DACH2: variants seen among roughly 807,000 people sequenced by gnomAD.
DACH2 encodes dachshund homolog 2.
Under a neutral mutation model 35.8 loss-of-function variants are expected in DACH2, and 17 were observed. The ratio of observed to expected loss-of-function variants is 0.48; its 90% CI spans 0.33 to 0.71. DACH2 has a LOEUF of 0.71. Ranked by LOEUF, DACH2 falls within the 30% of genes least tolerant of loss-of-function variation. The probability of loss-of-function intolerance (pLI) is 0.02; values close to 1 mark genes in which losing one functional copy is unlikely to be tolerated. For synonymous variants in DACH2, 195 were observed against 177.3 expected, an observed-to-expected ratio of 1.10 and a Z score of -0.79; for missense variants, 469 against 472.7, an observed-to-expected ratio of 0.99 and a Z score of 0.07.
chrX:86,205,490 CTCCT>C (rs1199616660), intron 1 of DACH2, among the ~76,000 whole-genome samples: 899 of 23,282 alleles, frequency 0.039, 31 homozygotes, highest in East Asian at 0.087. Flanking sequence ...CCCTCCTTCC[CTCCT>C]TCCTTCCTTC....
At chrX:86,275,574 T>A (rs756290337) in intron 1 of DACH2, among the ~76,000 whole-genome samples, 33 of 111,643 alleles carry the variant, frequency 3.0e-4, no homozygotes, top group Non-Finnish European at 9.4e-5. Flanking sequence ...CTCTTTAAGT[T>A]ATTTAAATAA....
intron 1 of DACH2, among the ~76,000 whole-genome samples, chrX:86,323,685 A>C (rs1013659753): frequency 8.9e-6 from 1 of 111,841 alleles, no homozygotes; most frequent in Admixed American, 9.5e-5. Context: ...ACCAGGGTGT[A>C]GCTCTGGTCA....
At chrX:86,299,509 T>C (rs1053343959) in intron 1 of DACH2, among the ~76,000 whole-genome samples, 1 of 111,953 alleles carries the variant, frequency 8.9e-6, no homozygotes, top group Non-Finnish European at 1.9e-5. Context: ...TCTTTTTGCA[T>C]CTCATAAAGA....
At position 86,338,757 on chromosome X, in the gene DACH2, C is replaced by A. The variant is rs750218821; in HGVS notation, c.489-38067C>A. 1.2e-4 allele frequency among the ~76,000 whole-genome samples: 13 copies of A among 111,330 alleles called. No homozygotes were observed. The South Asian group carries it at 4.5e-3, about 38-fold the overall frequency. ...GGAGATAGAGACATGAAAAACCCTT[C>A]AAAAAATCAATGAATCCAGGAGCTG... On this transcript the variant is annotated intron_variant, in intron 1 of 11. Transcript: ENST00000373125.
At chrX:86,404,991 T>A (rs1271146798) in intron 2 of DACH2, among the ~76,000 whole-genome samples, 1 of 112,334 alleles carries the variant, frequency 8.9e-6, no homozygotes, top group Admixed American at 9.4e-5. Flanking sequence ...AGCTCTACGT[T>A]GTCCCCTTTT....
At chrX:86,523,662 G>A (rs1361029380) in intron 3 of DACH2, among the ~76,000 whole-genome samples, 4 of 110,240 alleles carry the variant, frequency 3.6e-5, no homozygotes, top group Non-Finnish European at 7.6e-5. Context: ...GAAATCATAG[G>A]GGTGTGGAAA....
intron 2 of DACH2, among the ~76,000 whole-genome samples, chrX:86,419,719 G>A (rs2036769817): frequency 9.0e-6 from 1 of 111,687 alleles, no homozygotes; most frequent in Non-Finnish European, 1.9e-5. Flanking sequence ...GCTGTTGTGA[G>A]GGGATTATCT....
At chrX:86,782,406 G>C (rs145250562) in intron 7 of DACH2, among the ~76,000 whole-genome samples, 204 of 111,555 alleles carry the variant, frequency 1.8e-3, no homozygotes, top group African/African-American at 6.4e-3. Context: ...CTCTCTTTAA[G>C]TTACTTTAAA....
At chrX:86,824,303 C>T (rs908057887) in intron 11 of DACH2, among the ~76,000 whole-genome samples, 4 of 111,705 alleles carry the variant, frequency 3.6e-5, no homozygotes, top group Non-Finnish European at 3.8e-5. Context: ...CTTCCACATC[C>T]GTTTACAGGC....
rs1372445861 is a variant in DACH2, at chrX:86,570,348, T to G, written c.640+55957T>G. ...ACATGGAATCAACCCAAATACCCAT[T>G]AATGATAGACTAGATAAAGAAAATG... On this transcript the variant is annotated intron_variant, in intron 3 of 11. Transcript: ENST00000373125. Among the ~76,000 whole-genome samples the G allele has an allele frequency of 3.6e-5, 4 of 111,537 alleles. No homozygotes were observed. In the Admixed American group the frequency reaches 3.8e-4, roughly 11 times the overall value.
intron 6 of DACH2, among the ~76,000 whole-genome samples, chrX:86,720,407 C>T (rs2041390813): frequency 8.9e-6 from 1 of 111,868 alleles, no homozygotes; most frequent in Non-Finnish European, 1.9e-5. Flanking sequence ...CAAATACACT[C>T]ATTCCAAATG....
chrX:86,442,223 T>C (rs1451899609), intron 2 of DACH2, among the ~76,000 whole-genome samples: 2 of 110,157 alleles, frequency 1.8e-5, no homozygotes, highest in East Asian at 2.8e-4. Context: ...TGATCGCTCA[T>C]TGTGGCTTTG....
rs1261251270 is a variant in DACH2, at chrX:86,689,919, C to T, written c.773-5102C>T. On this transcript the variant is annotated intron_variant, in intron 4 of 11. Transcript: ENST00000373125. ...CTAAAATAATAAAAGTTACACTCCACTTGAATTCATAAGACAGAGATCATT... is the reference window on the plus strand; with the variant it reads ...CTAAAATAATAAAAGTTACACTCCATTTGAATTCATAAGACAGAGATCATT... Among the ~76,000 whole-genome samples the T allele has an allele frequency of 2.3e-4, 26 of 111,753 alleles. 1 individual carries two copies. In the Admixed American group the frequency reaches 2.5e-3, roughly 11 times the overall value.
chrX:86,482,702 T>C (rs974605301), intron 2 of DACH2, among the ~76,000 whole-genome samples: 1 of 108,126 alleles, frequency 9.2e-6, no homozygotes, highest in Non-Finnish European at 1.9e-5. Flanking sequence ...GCACCTGTTG[T>C]TTCCTGACTT....
chrX:86,772,683 T>C (rs2041997825), intron 7 of DACH2, among the ~76,000 whole-genome samples: 1 of 111,336 alleles, frequency 9.0e-6, no homozygotes, highest in South Asian at 3.8e-4. Flanking sequence ...GTCAGAGTTA[T>C]TATTCCCTTT....
At chrX:86,296,373 T>C in intron 1 of DACH2, among the ~76,000 whole-genome samples, 1 of 63,986 alleles carries the variant, frequency 1.6e-5, no homozygotes, top group Non-Finnish European at 2.7e-5. Context: ...AGAGCGAGAC[T>C]CCATCTCAAA....
At position 86,667,596 on chromosome X, in the gene DACH2, GAAAGAAAGAAAGAAA is replaced by G. The variant is rs1569463734; in HGVS notation, c.772+16430_772+16444del. On this transcript the variant is annotated intron_variant, in intron 4 of 11. Coordinates refer to ENST00000373125, the MANE Select transcript of DACH2 (RefSeq NM_053281.3). ...AGAAAGAAAGAAAGAAAGAAAGAAA[GAAAGAAAGAAAGAAA>G]GAAAGGCAGGCAGGCCCTGGTCTTA... Among the ~76,000 whole-genome samples, 46 of 104,728 alleles carry G rather than the reference GAAAGAAAGAAAGAAA, an allele frequency of 4.4e-4. 2 individuals are homozygous for G. The highest frequency in any genetic ancestry group is 2.0e-3 in the Admixed American group (20 of 10,065). The allele number at this position is 104,728 out of a possible 115,157, so 90.9% of individuals were successfully genotyped here. A position where few individuals can be genotyped will look rare whatever the true frequency, so the allele number is the denominator to read the frequency against.
At chrX:86,357,612 C>T (rs1467793565) in intron 1 of DACH2, among the ~76,000 whole-genome samples, 2 of 112,161 alleles carry the variant, frequency 1.8e-5, no homozygotes, top group Non-Finnish European at 3.8e-5. Flanking sequence ...TAAGTTAGAA[C>T]AGAGCAATAC....
chrX:86,759,546 AGTT>A (rs1489072984), intron 7 of DACH2, among the ~76,000 whole-genome samples: 1 of 99,835 alleles, frequency 1.0e-5, no homozygotes, highest in African/African-American at 3.6e-5. Flanking sequence ...GGCAGCATAT[AGTT>A]GTTGTTGTTT....
Sources: gnomAD v4.1 joint callset for allele counts (sites outside exome capture counted in the v4.1 genomes callset) on GRCh38, gnomAD v4.1.1 for gene constraint, MANE v1.5 for transcripts, NCBI Gene and HGNC (gene_info 2026-07-23, HGNC 2026-07-21) for gene names.